Variants in SRRM3 observed in about 807,000 individuals in gnomAD.
SRRM3 encodes the protein serine/arginine repetitive matrix 3, also known as serine/arginine repetitive matrix protein 3.
Under a neutral mutation model 66.2 loss-of-function variants are expected in SRRM3, and 27 were observed. The observed-to-expected ratio is 0.41, with a 90% CI of 0.30 to 0.56. The LOEUF (loss-of-function observed/expected upper bound fraction) is 0.56, where lower values mean the gene tolerates loss of function less well. SRRM3 is among the 20% of genes least tolerant of loss of function. The pLI is 0.32. For missense variants in SRRM3, 918 were observed against 991.9 expected, an observed-to-expected ratio of 0.93 and a Z score of 1.00; for synonymous variants, 391 against 414.9, an observed-to-expected ratio of 0.94 and a Z score of 0.70.
chr7:76,269,975 T>TA (rs1248458861), intron 11 of SRRM3: 10 of 151,672 alleles, frequency 6.6e-5, no homozygotes, highest in Admixed American at 2.0e-4. Flanking sequence ...AAAGGGAAGA[T>TA]AACTCTAAAA....
chr7:76,233,781 C>T (rs1422808695), intron 1 of SRRM3, among the ~76,000 whole-genome samples: 1 of 152,126 alleles, frequency 6.6e-6, no homozygotes, highest in African/African-American at 2.4e-5. Flanking sequence ...GCCTAGAACC[C>T]ATGCACTTGG....
Position 76,259,938 on chromosome 7 carries a change from C to T in SRRM3, c.368C>T (p.Ala123Val). 1.2e-6 allele frequency: 2 copies of T among 1,601,914 alleles called. No individual in the cohort carries two copies. Among genetic ancestry groups the T allele is most frequent in the Non-Finnish European group, 1.7e-6 (2 of 1,179,492 alleles). The change falls in exon 4 of 15, where the codon GCT (alanine) becomes GTT (valine). Residue 123 changes from alanine (A) to valine (V), a missense_variant. Ala to Val is a moderately conservative substitution (Grantham distance 64, BLOSUM62 0). Transcript: ENST00000611745. ...VAETPRLTEGAEPGLEYAPFD... is the reference protein window; with the variant it reads ...VAETPRLTEGVEPGLEYAPFD... Reference sequence around the variant, plus strand: ...GAGACCCCGCGGCTGACCGAGGGCGCTGAGCCGGGCCTGGAGTACGCGCCC... The same window carrying T: ...GAGACCCCGCGGCTGACCGAGGGCGTTGAGCCGGGCCTGGAGTACGCGCCC...
intron 3 of SRRM3, among the ~76,000 whole-genome samples, chr7:76,249,396 G>A (rs1467708843): frequency 6.6e-6 from 1 of 151,462 alleles, no homozygotes; most frequent in Non-Finnish European, 1.5e-5. Context: ...AAAAAAAAGG[G>A]TGTATGGCTT....
intron 1 of SRRM3, among the ~76,000 whole-genome samples, chr7:76,224,383 G>A (rs1554603541): frequency 6.7e-6 from 1 of 150,068 alleles, no homozygotes; most frequent in Non-Finnish European, 1.5e-5. Flanking sequence ...CCCGGCCAAA[G>A]ACACATCTTT....
chr7:76,230,895 C>T (rs1446178936), intron 1 of SRRM3, among the ~76,000 whole-genome samples: 4 of 151,744 alleles, frequency 2.6e-5, no homozygotes, highest in East Asian at 1.9e-4. Flanking sequence ...GGATTACAGG[C>T]GCCCACCATC....
chr7:76,229,133 C>T (rs2116982182), intron 1 of SRRM3, among the ~76,000 whole-genome samples: 1 of 152,100 alleles, frequency 6.6e-6, no homozygotes, highest in African/African-American at 2.4e-5. Flanking sequence ...CTCCTGACCT[C>T]GTGATCCACC....
At position 76,267,434 on chromosome 7, in the gene SRRM3, A is replaced by G; in HGVS notation, c.1007A>G (p.Asp336Gly). 1 of 1,337,818 alleles carries G rather than the reference A, an allele frequency of 7.5e-7. No individual in the cohort carries two copies. The highest frequency in any genetic ancestry group is 1.9e-5 in the South Asian group (1 of 52,582). 82.9% of individuals were successfully genotyped at this position (1,337,818 alleles called of 1,614,324 possible). Residue 336 changes from aspartate to glycine, a missense_variant and splice_region_variant, in exon 11 of 15, where the codon GAT becomes GGT. Transcript: ENST00000611745. ...CCCGGCTCGGCGCACAGCCCGCCCG[A>G]TGTACGTACGCTTCGCTTTGCGGAG... The part of the protein sequence containing the change: ...GRPGSAHSPP[D>G]KPSSPSPRVR...
intron 2 of SRRM3, among the ~76,000 whole-genome samples, chr7:76,237,924 C>A (rs555672499): frequency 1.3e-5 from 2 of 152,210 alleles, no homozygotes; most frequent in East Asian, 3.9e-4. Context: ...GGGTGTAAGA[C>A]CCCCAGCATC....
chr7:76,220,934 C>T (rs1237266865), intron 1 of SRRM3, among the ~76,000 whole-genome samples: 4 of 152,190 alleles, frequency 2.6e-5, no homozygotes, highest in East Asian at 3.8e-4. Context: ...AACAAACAGC[C>T]GTGCCAGCAC....
chr7:76,283,210 C>A, intron 14 of SRRM3, 109 bp downstream of exon 14: 2 of 1,105,068 alleles, frequency 1.8e-6, no homozygotes, highest in Non-Finnish European at 2.3e-6. Context: ...CTGAACCTGG[C>A]ACGGGGATGG....
In SRRM3 at chr7:76,282,891, C is replaced by T. The variant is rs1398536662; in HGVS notation, c.1595+19C>T. On this transcript the variant is annotated intron_variant, in intron 13 of 14. Coordinates refer to ENST00000611745, the MANE Select transcript of SRRM3 (RefSeq NM_001110199.3). Reference sequence around the variant, plus strand: ...TCAGCCGGTGAGTGCCCGCCCGGACCGGGCCGACGGGGCGGGCGGCGGGGT... The same window carrying T: ...TCAGCCGGTGAGTGCCCGCCCGGACTGGGCCGACGGGGCGGGCGGCGGGGT... 1.5e-6 allele frequency: 2 copies of T among 1,323,820 alleles called. No individual in the cohort carries two copies. Among genetic ancestry groups the T allele is most frequent in the Admixed American group, 4.1e-5 (1 of 24,262 alleles). The allele number at this position is 1,323,820 out of a possible 1,614,324, so 82.0% of individuals were successfully genotyped here.
intron 1 of SRRM3, among the ~76,000 whole-genome samples, chr7:76,224,605 T>C (rs1800808456): frequency 1.3e-5 from 2 of 152,082 alleles, no homozygotes; most frequent in Admixed American, 6.6e-5. Flanking sequence ...CTAGGGAATA[T>C]TGTCTCCGTC....
At chr7:76,270,009 A>G (rs1245726427) in intron 11 of SRRM3, 2 of 151,976 alleles carry the variant, frequency 1.3e-5, no homozygotes, top group East Asian at 3.9e-4. Context: ...CCACACCAAC[A>G]GCTCCTGCCA....
At chr7:76,212,092 G>T (rs1012661591) in intron 1 of SRRM3, among the ~76,000 whole-genome samples, 1 of 150,406 alleles carries the variant, frequency 6.6e-6, no homozygotes. Flanking sequence ...GGCCTCAAGT[G>T]ATTCTCCCAC....
intron 3 of SRRM3, among the ~76,000 whole-genome samples, chr7:76,254,180 T>C (rs1801649943): frequency 6.6e-6 from 1 of 151,560 alleles, no homozygotes; most frequent in Non-Finnish European, 1.5e-5. Flanking sequence ...ATGTTTTTTG[T>C]TTTTTGGGTT....
chr7:76,251,069 T>C (rs577859177), intron 3 of SRRM3, among the ~76,000 whole-genome samples: 24 of 152,344 alleles, frequency 1.6e-4, no homozygotes, highest in Non-Finnish European at 2.4e-4. Context: ...GACCATTTAA[T>C]TGGCGAAAGT....
At chr7:76,215,600 G>A (rs1800543999) in intron 1 of SRRM3, among the ~76,000 whole-genome samples, 1 of 149,534 alleles carries the variant, frequency 6.7e-6, no homozygotes, top group South Asian at 2.1e-4. Context: ...TGTAGAGTCA[G>A]GGTCTTGCTA....
intron 2 of SRRM3, among the ~76,000 whole-genome samples, chr7:76,244,844 A>G (rs1554606020): frequency 1.3e-5 from 2 of 152,236 alleles, no homozygotes; most frequent in African/African-American, 2.4e-5. Context: ...CCAGTCTTCA[A>G]ACTCTCCATG....
intron 1 of SRRM3, among the ~76,000 whole-genome samples, chr7:76,218,814 G>A (rs1800636725): frequency 6.6e-6 from 1 of 151,224 alleles, no homozygotes; most frequent in African/African-American, 2.4e-5. Flanking sequence ...AAGTAGCTGG[G>A]ACTATAGGCA....
Sources: gnomAD v4.1 joint callset for allele counts (sites outside exome capture counted in the v4.1 genomes callset) on GRCh38, gnomAD v4.1.1 for gene constraint, MANE v1.5 for transcripts, NCBI Gene and HGNC (gene_info 2026-07-23, HGNC 2026-07-21) for gene names.